Variants in ATP10A observed in about 807,000 individuals in gnomAD.
ATP10A encodes the protein ATPase phospholipid transporting 10A (putative).
In ATP10A, 111 loss-of-function variants were observed where a neutral mutation model predicts 147.8. That is an observed-to-expected ratio of 0.75 (90% CI 0.64 to 0.88). ATP10A has a LOEUF of 0.88. ATP10A is among the 40% of genes least tolerant of loss of function. The probability of loss-of-function intolerance (pLI) is 0.00; values close to 1 mark genes in which losing one functional copy is unlikely to be tolerated. For missense variants in ATP10A, 1,927 were observed against 1,959.0 expected (o/e 0.98, Z 0.31); for synonymous variants, 875 against 841.6 (o/e 1.04, Z -0.69).
intron 1 of ATP10A, among the ~76,000 whole-genome samples, chr15:25,792,058 G>A (rs1180483155): frequency 2.6e-5 from 4 of 151,910 alleles, no homozygotes; most frequent in African/African-American, 4.8e-5. Context: ...CCTCTGTTAC[G>A]ACCTGAGCAT....
intron 1 of ATP10A, among the ~76,000 whole-genome samples, chr15:25,827,701 G>A (rs535252920): frequency 3.9e-5 from 6 of 152,084 alleles, no homozygotes; most frequent in African/African-American, 1.4e-4. Flanking sequence ...ATATCTATTT[G>A]ACAAAAAAGG....
chr15:25,711,146 G>T (rs1433303039), intron 10 of ATP10A, among the ~76,000 whole-genome samples: 1 of 152,102 alleles, frequency 6.6e-6, no homozygotes, highest in Non-Finnish European at 1.5e-5. Context: ...ACCTGCCAGG[G>T]CAGGTGAGCC....
chr15:25,703,902 T>G (rs764392356), intron 12 of ATP10A, among the ~76,000 whole-genome samples: 9 of 152,142 alleles, frequency 5.9e-5, no homozygotes, highest in Non-Finnish European at 1.3e-4. Flanking sequence ...GGAGGGAACA[T>G]TGCACCCATG....
intron 1 of ATP10A, among the ~76,000 whole-genome samples, chr15:25,854,436 G>T (rs1893422082): frequency 6.6e-6 from 1 of 152,082 alleles, no homozygotes; most frequent in African/African-American, 2.4e-5. Flanking sequence ...GGAATAGGGG[G>T]AAAGAAAATC....
intron 1 of ATP10A, among the ~76,000 whole-genome samples, chr15:25,810,369 G>A (rs1017550641): frequency 3.3e-5 from 5 of 152,176 alleles, no homozygotes; most frequent in Non-Finnish European, 5.9e-5. Flanking sequence ...TACCTGCACC[G>A]CTCAGCTGTC....
downstream of ATP10A, chr15:25,678,609 A>C (rs980528545): frequency 6.6e-6 from 1 of 152,132 alleles, no homozygotes; most frequent in Non-Finnish European, 1.5e-5. Context: ...TGTTTTCTTC[A>C]TAGCCTCTAA....
At chr15:25,787,053 G>A (rs1285255797) in intron 1 of ATP10A, among the ~76,000 whole-genome samples, 2 of 151,894 alleles carry the variant, frequency 1.3e-5, no homozygotes, top group East Asian at 1.9e-4. Context: ...ACCCTCCCAC[G>A]ATCCTGACAG....
intron 1 of ATP10A, among the ~76,000 whole-genome samples, chr15:25,819,078 ATG>A (rs1300748409): frequency 6.6e-6 from 1 of 152,174 alleles, no homozygotes; most frequent in Non-Finnish European, 1.5e-5. Flanking sequence ...AAATAGAGAA[ATG>A]GGACTTAAAC....
chr15:25,716,748 C>T lies in ATP10A; in HGVS notation c.1758G>A (p.Pro586=), dbSNP rs372146353. The T allele has an allele frequency of 3.8e-5, 60 of 1,591,736 alleles. No individual in the cohort carries two copies. Among genetic ancestry groups the T allele is most frequent in the Admixed American group, 1.9e-4 (11 of 57,542 alleles). Residue 586 remains proline, a synonymous_variant, in exon 9 of 21, where the codon CCG becomes CCA. Coordinates refer to ENST00000555815, the MANE Select transcript of ATP10A (RefSeq NM_024490.4). ...AACTTGCCTTTGTTCGTGGCTGATC[C>T]GGGGACGTGACGACGACTGTGTTGC... ...TICNTVVVTS[P]DQPRTKVRVR...
chr15:25,830,940 T>C (rs556555360), intron 1 of ATP10A, among the ~76,000 whole-genome samples: 3 of 152,228 alleles, frequency 2.0e-5, no homozygotes, highest in African/African-American at 7.2e-5. Flanking sequence ...GGGACGGCAA[T>C]ACTTCCCAGG....
At chr15:25,768,573 TC>T (rs1889156042) in intron 2 of ATP10A, among the ~76,000 whole-genome samples, 1 of 149,926 alleles carries the variant, frequency 6.7e-6, no homozygotes, top group Non-Finnish European at 1.5e-5. Flanking sequence ...AGACAGGGTA[TC>T]ACTCTGTCAT....
intron 13 of ATP10A, among the ~76,000 whole-genome samples, chr15:25,697,421 A>G (rs991899497): frequency 6.6e-6 from 1 of 152,236 alleles, no homozygotes; most frequent in African/African-American, 2.4e-5. Flanking sequence ...AAGAACCAGG[A>G]AAATCTTAAC....
At chr15:25,685,933 C>A (rs577222185) in intron 16 of ATP10A, among the ~76,000 whole-genome samples, 2 of 152,278 alleles carry the variant, frequency 1.3e-5, no homozygotes, top group South Asian at 4.1e-4. Context: ...CCCCATTCAT[C>A]CCTCCACTCC....
chr15:25,799,866 G>T (rs544290708), intron 1 of ATP10A, among the ~76,000 whole-genome samples: 7 of 152,250 alleles, frequency 4.6e-5, no homozygotes, highest in African/African-American at 1.4e-4. Flanking sequence ...TATAAATTAG[G>T]TAAAAGTTCT....
intron 1 of ATP10A, among the ~76,000 whole-genome samples, chr15:25,805,586 C>T (rs557733648): frequency 2.9e-4 from 44 of 152,294 alleles, no homozygotes; most frequent in Admixed American, 1.5e-3. Context: ...GCCAAACAAA[C>T]GCAGGTCTCA....
At chr15:25,730,545 G>T (rs1439742178) in intron 3 of ATP10A, among the ~76,000 whole-genome samples, 2 of 152,018 alleles carry the variant, frequency 1.3e-5, no homozygotes, top group South Asian at 4.2e-4. Flanking sequence ...CTCTGTCCCC[G>T]ATGCGTCCCC....
chr15:25,803,241 G>A (rs550802963), intron 1 of ATP10A, among the ~76,000 whole-genome samples: 27 of 152,304 alleles, frequency 1.8e-4, no homozygotes, highest in Admixed American at 1.3e-3. Context: ...CCGCCACACC[G>A]TCCCCTCCAA....
intron 10 of ATP10A, among the ~76,000 whole-genome samples, chr15:25,711,651 C>T (rs1347442604): frequency 1.3e-5 from 2 of 152,160 alleles, no homozygotes; most frequent in African/African-American, 4.8e-5. Context: ...TTAACTTTTC[C>T]TATCAATGTC....
chr15:25,713,654 C>T lies in ATP10A; in HGVS notation c.2344+20G>A. The T allele has an allele frequency of 1.9e-6, 3 of 1,610,472 alleles. No homozygotes were observed. The highest frequency in any genetic ancestry group is 2.5e-6 in the Non-Finnish European group (3 of 1,178,402). The stretch of plus-strand genomic sequence containing the variant: ...CCTCCTCCCCCGAGCTGGGGTGCAG[C>T]TGGGCAGGGGTGGGAGTACCTGAAG... On this transcript the variant is annotated intron_variant, in intron 10 of 20. Transcript: ENST00000555815.
Sources: gnomAD v4.1 joint callset for allele counts (sites outside exome capture counted in the v4.1 genomes callset) on GRCh38, gnomAD v4.1.1 for gene constraint, MANE v1.5 for transcripts, NCBI Gene and HGNC (gene_info 2026-07-23, HGNC 2026-07-21) for gene names.